RELN: variants seen among roughly 807,000 people sequenced by gnomAD.
RELN encodes reelin.
Under a neutral mutation model 427.6 loss-of-function variants are expected in RELN, and 108 were observed. The observed-to-expected ratio is 0.25, with a 90% CI of 0.22 to 0.30. The LOEUF (loss-of-function observed/expected upper bound fraction) is 0.30. Among genes scored for constraint, RELN ranks in the 10% least tolerant of loss-of-function variants. The pLI is 1.00. For synonymous variants in RELN, 1,524 were observed against 1,513.4 expected (o/e 1.01, Z -0.16); for missense variants, 3,715 against 4,302.8 (o/e 0.86, Z 3.82).
intron 64 of RELN, among the ~76,000 whole-genome samples, chr7:103,474,807 A>G (rs1055672688): frequency 9.6e-5 from 6 of 62,612 alleles, no homozygotes; most frequent in South Asian, 4.4e-4. Flanking sequence ...TCCTTTTATG[A>G]AAAAAAAAAA....
At chr7:103,709,911 A>G (rs1789751302) in intron 8 of RELN, among the ~76,000 whole-genome samples, 1 of 152,242 alleles carries the variant, frequency 6.6e-6, no homozygotes. Context: ...GGCAAAAGCA[A>G]TAGAACATCA....
intron 11 of RELN, among the ~76,000 whole-genome samples, chr7:103,665,095 G>A (rs1294055679): frequency 6.6e-6 from 1 of 152,002 alleles, no homozygotes; most frequent in Non-Finnish European, 1.5e-5. Context: ...TGGTTTTAAT[G>A]AACCTGAAAT....
At chr7:103,536,950 C>T (rs763778295) in intron 45 of RELN, among the ~76,000 whole-genome samples, 49 of 152,184 alleles carry the variant, frequency 3.2e-4, no homozygotes, top group Non-Finnish European at 6.0e-4. Context: ...ATGTCATCTT[C>T]ACTAAAGGAT....
At chr7:103,861,650 C>T (rs773832097) in intron 2 of RELN, among the ~76,000 whole-genome samples, 5 of 152,008 alleles carry the variant, frequency 3.3e-5, no homozygotes, top group East Asian at 1.9e-4. Flanking sequence ...TCACATATTG[C>T]GAAGAGACCC....
intron 1 of RELN, among the ~76,000 whole-genome samples, chr7:103,981,311 T>C (rs1469248152): frequency 6.6e-6 from 1 of 152,142 alleles, no homozygotes; most frequent in Non-Finnish European, 1.5e-5. Context: ...AAATTATCAG[T>C]ATATAAGAGG....
intron 1 of RELN, among the ~76,000 whole-genome samples, chr7:103,924,982 GCATACACATACACACA>G (rs1208466221): frequency 9.5e-5 from 4 of 42,220 alleles, no homozygotes; most frequent in African/African-American, 2.5e-4. Context: ...GTGTGCATGC[GCATACACATACACACA>G]CACACACACA....
intron 11 of RELN, among the ~76,000 whole-genome samples, chr7:103,668,451 A>G (rs189046871): frequency 1.3e-5 from 2 of 152,270 alleles, no homozygotes; most frequent in African/African-American, 4.8e-5. Context: ...TGGGACACAC[A>G]AGGGTAAGTG....
chr7:103,616,577 C>T (rs983393365), intron 20 of RELN, among the ~76,000 whole-genome samples: 71 of 152,188 alleles, frequency 4.7e-4, no homozygotes, highest in East Asian at 3.9e-4. Context: ...TAAAAATGGG[C>T]AATTCCACCT....
chr7:103,856,662 T>G (rs1793955318), intron 2 of RELN, among the ~76,000 whole-genome samples: 1 of 151,024 alleles, frequency 6.6e-6, no homozygotes, highest in East Asian at 1.9e-4. Context: ...CAATTGGAAA[T>G]CGTATATAGG....
intron 3 of RELN, among the ~76,000 whole-genome samples, chr7:103,820,255 AATC>A (rs1792981080): frequency 6.6e-6 from 1 of 152,042 alleles, no homozygotes; most frequent in Non-Finnish European, 1.5e-5. Flanking sequence ...AACACCAGAA[AATC>A]ATCAACGCCA....
chr7:103,682,376 T>C (rs1833674330), intron 10 of RELN, 115 bp from the exon 11 acceptor site: 8 of 1,057,568 alleles, frequency 7.6e-6, no homozygotes, highest in Admixed American at 5.3e-5. Flanking sequence ...TCCTCTATGA[T>C]GGACTCTCAA....
intron 57 of RELN, among the ~76,000 whole-genome samples, chr7:103,494,409 CT>C (rs951531567): frequency 8.4e-6 from 1 of 118,616 alleles, no homozygotes; most frequent in Non-Finnish European, 1.7e-5. Flanking sequence ...TGGTCTTGTT[CT>C]GTTGCCCTAG....
Position 103,989,379 on chromosome 7 carries a change from C to G in RELN, c.-23G>C, listed in dbSNP as rs1188914809. ...CATGCCGCCGCCGCCGCCGCCGCCG[C>G]CGCGCGCCCTACGCGCCGCTCGCTC... On this transcript the variant is annotated 5_prime_UTR_variant, in exon 1 of 65. Coordinates refer to ENST00000428762, the MANE Select transcript of RELN (RefSeq NM_005045.4). This position sits in a 1 kb window ranked among gnomAD's most constrained non-coding sequence, Gnocchi z 4.9. The G allele has an allele frequency of 7.6e-5, 110 of 1,438,914 alleles. No individual in the cohort carries two copies. The highest frequency in any genetic ancestry group is 9.7e-5 in the Non-Finnish European group (107 of 1,105,274). The allele number at this position is 1,438,914 out of a possible 1,614,324, so 89.1% of individuals were successfully genotyped here. A position where few individuals can be genotyped will look rare whatever the true frequency, so the allele number is the denominator to read the frequency against.
At chr7:103,749,566 CA>C in intron 5 of RELN, 62 bp from the exon 6 acceptor site, 1 of 1,110,692 alleles carries the variant, frequency 9.0e-7, no homozygotes, top group South Asian at 1.2e-5. Context: ...TAGCTAAACA[CA>C]AGTGCCAACA....
At chr7:103,924,991 TACACAC>T (rs57662220) in intron 1 of RELN, among the ~76,000 whole-genome samples, 725 of 49,056 alleles carry the variant, frequency 0.015, 12 homozygotes, top group African/African-American at 0.034. Flanking sequence ...CGCATACACA[TACACAC>T]ACACACACAC....
intron 4 of RELN, among the ~76,000 whole-genome samples, chr7:103,769,976 C>A (rs1791523255): frequency 6.6e-6 from 1 of 152,202 alleles, no homozygotes; most frequent in Non-Finnish European, 1.5e-5. Context: ...TACCTACCCA[C>A]AGAATTGTCC....
intron 46 of RELN, 72 bp from the exon 47 acceptor site, chr7:103,523,603 G>T: frequency 6.8e-7 from 1 of 1,465,204 alleles, no homozygotes; most frequent in Non-Finnish European, 9.6e-7. Context: ...GTTTGAACAA[G>T]TGCATGGAGA....
intron 1 of RELN, among the ~76,000 whole-genome samples, chr7:103,930,704 C>T (rs894303589): frequency 2.0e-5 from 3 of 152,102 alleles, no homozygotes; most frequent in Admixed American, 1.3e-4. Flanking sequence ...TGGGCTCAAG[C>T]GATCCTCCTG....
intron 2 of RELN, among the ~76,000 whole-genome samples, chr7:103,905,476 T>C (rs142079192): frequency 6.6e-6 from 1 of 152,166 alleles, no homozygotes; most frequent in Non-Finnish European, 1.5e-5. Flanking sequence ...TGGACAAATA[T>C]AGATTTAGAA....
Sources: allele counts gnomAD v4.1 joint callset (sites outside exome capture counted in the v4.1 genomes callset), GRCh38; gene constraint gnomAD v4.1.1; non-coding constraint Gnocchi (gnomAD v3.1); transcripts MANE v1.5; gene names NCBI Gene and HGNC (gene_info 2026-07-23, HGNC 2026-07-21).